Variants in C8orf34 observed in about 807,000 individuals in gnomAD.
C8orf34 encodes uncharacterized protein C8orf34.
C8orf34 carries 65 observed loss-of-function variants against 68.3 expected under a neutral mutation model. The observed-to-expected ratio is 0.95, with a 90% CI of 0.78 to 1.17. The LOEUF (loss-of-function observed/expected upper bound fraction) is 1.17, where lower values mean the gene tolerates loss of function less well. Among genes scored for constraint, C8orf34 ranks in the 50% most tolerant of loss-of-function variants. The probability of loss-of-function intolerance (pLI) is 0.00; values close to 1 mark genes in which losing one functional copy is unlikely to be tolerated. For synonymous variants in C8orf34, 244 were observed against 241.2 expected (o/e 1.01, Z -0.11); for missense variants, 664 against 655.4 (o/e 1.01, Z -0.14).
rs533408525 is a variant in C8orf34 at position 68,587,998 on chromosome 8, T to C, written c.1106-52378T>C. The stretch of plus-strand genomic sequence containing the variant: ...TATTTCTGTTTAATTTTAGATGCCA[T>C]ATTTTTAAAGAGACATTTACCTACA... On this transcript the variant is annotated intron_variant, in intron 7 of 13. Transcript: ENST00000518698. 2.3e-3 allele frequency among the ~76,000 whole-genome samples: 345 copies of C among 152,288 alleles called. 1 individual carries two copies. Among genetic ancestry groups the C allele is most frequent in the African/African-American group, 7.8e-3 (324 of 41,586 alleles).
At chr8:68,660,144 G>A (rs555181204) in intron 8 of C8orf34, among the ~76,000 whole-genome samples, 11 of 152,088 alleles carry the variant, frequency 7.2e-5, no homozygotes, top group Non-Finnish European at 1.3e-4. Context: ...GTGAAGAGAG[G>A]ACAGAGGAGG....
chr8:68,721,123 C>A (rs762979862), intron 9 of C8orf34, among the ~76,000 whole-genome samples: 2 of 151,962 alleles, frequency 1.3e-5, no homozygotes, highest in Non-Finnish European at 2.9e-5. Context: ...ACTAAGATAA[C>A]TGTGGCTCTT....
intron 7 of C8orf34, among the ~76,000 whole-genome samples, chr8:68,636,595 A>C (rs1818853772): frequency 6.6e-6 from 1 of 152,140 alleles, no homozygotes; most frequent in Non-Finnish European, 1.5e-5. Context: ...AATAAAAAAT[A>C]AATGATTGTC....
At chr8:68,812,690 G>A (rs958991758) in intron 12 of C8orf34, among the ~76,000 whole-genome samples, 5 of 151,748 alleles carry the variant, frequency 3.3e-5, no homozygotes, top group East Asian at 1.9e-4. Context: ...ATATTTATGC[G>A]TTCATAATTT....
At chr8:68,591,771 A>G (rs927305145) in intron 7 of C8orf34, among the ~76,000 whole-genome samples, 1 of 152,188 alleles carries the variant, frequency 6.6e-6, no homozygotes, top group African/African-American at 2.4e-5. Flanking sequence ...CTTTTAAAAT[A>G]CATGCTATAT....
chr8:68,503,287 CA>C (rs910684332), intron 5 of C8orf34, among the ~76,000 whole-genome samples: 29 of 150,586 alleles, frequency 1.9e-4, no homozygotes, highest in Non-Finnish European at 3.8e-4. Flanking sequence ...ATTTGTTTAC[CA>C]AAAAAAAGTA....
At chr8:68,444,012 A>G (rs181303646) in intron 2 of C8orf34, among the ~76,000 whole-genome samples, 1 of 152,116 alleles carries the variant, frequency 6.6e-6, no homozygotes, top group Non-Finnish European at 1.5e-5. Context: ...GGGAAAATCT[A>G]TTATGTGTAA....
intron 11 of C8orf34, among the ~76,000 whole-genome samples, chr8:68,785,998 G>A (rs1167787015): frequency 6.6e-6 from 1 of 152,136 alleles, no homozygotes; most frequent in Non-Finnish European, 1.5e-5. Context: ...ATGACTGGTG[G>A]TGTCATGTTT....
At chr8:68,766,510 T>C (rs1823180249) in intron 10 of C8orf34, among the ~76,000 whole-genome samples, 5 of 152,320 alleles carry the variant, frequency 3.3e-5, no homozygotes, top group Admixed American at 3.3e-4. Flanking sequence ...CTGATTTTTA[T>C]GAGGTCAGTG....
chr8:68,348,174 G>A (rs1365803177), intron 1 of C8orf34, among the ~76,000 whole-genome samples: 2 of 151,898 alleles, frequency 1.3e-5, no homozygotes, highest in Non-Finnish European at 2.9e-5. Flanking sequence ...TCAATCATCT[G>A]TATAGGGCTA....
rs146891929 is a variant in C8orf34 at position 68,626,970 on chromosome 8, A to C, written c.1106-13406A>C. On this transcript the variant is annotated intron_variant, in intron 7 of 13. Transcript: ENST00000518698. ...TTAAATATATAAGATTTTTTTATCCAGAGAAGTGTCCTGGGAGAATTCGAA... is the reference window on the plus strand; with the variant it reads ...TTAAATATATAAGATTTTTTTATCCCGAGAAGTGTCCTGGGAGAATTCGAA... Among the ~76,000 whole-genome samples the C allele has an allele frequency of 6.1e-3, 922 of 152,278 alleles. 17 individuals are homozygous for C. The highest frequency in any genetic ancestry group is 0.021 in the African/African-American group (886 of 41,568).
chr8:68,717,247 G>C (rs192916260), intron 9 of C8orf34, among the ~76,000 whole-genome samples: 4 of 152,188 alleles, frequency 2.6e-5, no homozygotes, highest in African/African-American at 9.6e-5. Context: ...ATGTTCTTTA[G>C]GAAAACATAA....
intron 7 of C8orf34, chr8:68,535,900 T>C (rs1016232568): frequency 3.5e-5 from 34 of 975,126 alleles, no homozygotes; most frequent in Non-Finnish European, 4.1e-5. Flanking sequence ...CTGAGTAAAG[T>C]ATCTGCCAAG....
intron 1 of C8orf34, among the ~76,000 whole-genome samples, chr8:68,341,091 T>G (rs1360376851): frequency 2.0e-5 from 3 of 152,146 alleles, no homozygotes; most frequent in Admixed American, 2.0e-4. Context: ...CCATAGAAAT[T>G]TATTTCTCAT....
At chr8:68,608,210 C>A (rs1402044048) in intron 7 of C8orf34, among the ~76,000 whole-genome samples, 2 of 151,860 alleles carry the variant, frequency 1.3e-5, no homozygotes, top group African/African-American at 2.4e-5. Context: ...AATTATAATA[C>A]CATGTGAAAG....
chr8:68,621,710 G>T (rs140781126), intron 7 of C8orf34, among the ~76,000 whole-genome samples: 67 of 152,252 alleles, frequency 4.4e-4, no homozygotes, highest in African/African-American at 1.5e-3. Flanking sequence ...TCTTCTATAT[G>T]TAAGTCTCAC....
At chr8:68,659,473 T>A (rs146233986) in intron 8 of C8orf34, among the ~76,000 whole-genome samples, 360 of 152,324 alleles carry the variant, frequency 2.4e-3, no homozygotes, top group African/African-American at 8.2e-3. Context: ...TTTCTTGAAT[T>A]GATCATAGTT....
chr8:68,558,514 G>A (rs1025867434), intron 7 of C8orf34, among the ~76,000 whole-genome samples: 1 of 151,760 alleles, frequency 6.6e-6, no homozygotes, highest in Non-Finnish European at 1.5e-5. Flanking sequence ...TACCAATATG[G>A]AGGATTTAAT....
chr8:68,423,723 C>G (rs1228350705), intron 1 of C8orf34, among the ~76,000 whole-genome samples: 3 of 152,084 alleles, frequency 2.0e-5, no homozygotes, highest in African/African-American at 4.8e-5. Context: ...TCTAACACTG[C>G]TATGAAGAAA....
Sources: gnomAD v4.1 joint callset for allele counts (sites outside exome capture counted in the v4.1 genomes callset) on GRCh38, gnomAD v4.1.1 for gene constraint, MANE v1.5 for transcripts, NCBI Gene and HGNC (gene_info 2026-07-23, HGNC 2026-07-21) for gene names.